Variants in FBLN5 observed in about 807,000 individuals in gnomAD.
FBLN5 encodes fibulin 5.
FBLN5 carries 24 observed loss-of-function variants against 61.6 expected under a neutral mutation model. The observed-to-expected ratio is 0.39, with a 90% CI of 0.28 to 0.55. The LOEUF (loss-of-function observed/expected upper bound fraction) is 0.55, where lower values mean the gene tolerates loss of function less well. Among genes scored for constraint, FBLN5 ranks in the 20% least tolerant of loss-of-function variants. The pLI, the probability that FBLN5 is intolerant of heterozygous loss-of-function variation, is 0.65. For missense variants in FBLN5, 470 were observed against 594.1 expected (o/e 0.79, Z 2.17); for synonymous variants, 213 against 219.8 (o/e 0.97, Z 0.27).
At chr14:91,927,899 A>G (rs923001262) in intron 4 of FBLN5, among the ~76,000 whole-genome samples, 2 of 152,268 alleles carry the variant, frequency 1.3e-5, no homozygotes, top group Non-Finnish European at 2.9e-5. Context: ...ACCAAGGAAC[A>G]TAAGATGAGA....
At position 91,925,127 on chromosome 14, in the gene FBLN5, T is replaced by G. The variant is rs1049420974; in HGVS notation, c.379+11820A>C. Reference sequence around the variant, plus strand: ...AGACCTGTGAAATATGTAGAGCTCATAAATCAACTCTGGCTAGATTTCCAC... The same window carrying G: ...AGACCTGTGAAATATGTAGAGCTCAGAAATCAACTCTGGCTAGATTTCCAC... On this transcript the variant is annotated intron_variant, in intron 4 of 10. Coordinates refer to ENST00000342058, the MANE Select transcript of FBLN5 (RefSeq NM_006329.4). 2.0e-5 allele frequency among the ~76,000 whole-genome samples: 3 copies of G among 151,828 alleles called. No individual in the cohort carries two copies. In the South Asian group the frequency reaches 6.2e-4, roughly 31 times the overall value.
chr14:91,883,084 G>T lies in FBLN5; in HGVS notation c.740-8C>A. The T allele has an allele frequency of 6.2e-7, 1 of 1,613,600 alleles. No individual in the cohort carries two copies. The highest frequency in any genetic ancestry group is 1.1e-5 in the South Asian group (1 of 91,016). On this transcript the variant is annotated splice_polypyrimidine_tract_variant and splice_region_variant and intron_variant, in intron 7 of 10. Coordinates refer to ENST00000342058, the MANE Select transcript of FBLN5 (RefSeq NM_006329.4). ...AGCTGCACTCGTCCATATCTGGGGT[G>T]ACAAGTCACACCTGCTGTTTGTAAT...
chr14:91,929,595 C>G (rs1411021443), intron 4 of FBLN5, among the ~76,000 whole-genome samples: 1 of 152,246 alleles, frequency 6.6e-6, no homozygotes, highest in Admixed American at 6.5e-5. Context: ...CTACACCATG[C>G]TACCTCAATC....
intron 4 of FBLN5, among the ~76,000 whole-genome samples, chr14:91,917,593 A>G (rs1035580244): frequency 6.6e-5 from 10 of 151,226 alleles, no homozygotes; most frequent in African/African-American, 2.4e-4. Context: ...AAAAAAAAAA[A>G]AAAAAAAGAA....
chr14:91,929,110 CACA>C (rs1566824870), intron 4 of FBLN5, among the ~76,000 whole-genome samples: 183 of 142,854 alleles, frequency 1.3e-3, no homozygotes, highest in Middle Eastern at 3.8e-3. Flanking sequence ...CACACACACA[CACA>C]CCCCACACAC....
intron 8 of FBLN5, among the ~76,000 whole-genome samples, chr14:91,881,675 C>T (rs1889479421): frequency 6.6e-6 from 1 of 152,106 alleles, no homozygotes; most frequent in South Asian, 2.1e-4. Context: ...CGTCTGTAAT[C>T]CCGGTACATT....
chr14:91,943,069 G>T lies in FBLN5; in HGVS notation c.18-108C>A, dbSNP rs989304421. On this transcript the variant is annotated intron_variant, in intron 1 of 10. Coordinates refer to ENST00000342058, the MANE Select transcript of FBLN5 (RefSeq NM_006329.4). This position sits in a 1 kb window ranked among gnomAD's most constrained non-coding sequence, Gnocchi z 4.0. ...GTAACGGTGATATCACCTTGGGCTT[G>T]TATGGGGTGGGGTGTGCTCCAGGGA... 1 of 775,138 alleles carries T rather than the reference G, an allele frequency of 1.3e-6. No homozygotes were observed. The highest frequency in any genetic ancestry group is 2.3e-6 in the Non-Finnish European group (1 of 440,452). The allele number at this position is 775,138 out of a possible 1,614,324, so 48.0% of individuals were successfully genotyped here.
chr14:91,891,051 A>G (rs148982681), intron 6 of FBLN5, among the ~76,000 whole-genome samples, 170 bp downstream of exon 6: 38 of 152,374 alleles, frequency 2.5e-4, no homozygotes, highest in South Asian at 6.2e-4. Context: ...TGCTTCGCAT[A>G]GCAAGGTTCA....
intron 8 of FBLN5, 55 bp from the exon 9 acceptor site, chr14:91,881,473 C>T (rs946347197): frequency 1.3e-5 from 21 of 1,607,182 alleles, no homozygotes; most frequent in South Asian, 2.2e-5. Context: ...CCAGGCCAGA[C>T]GCGTGGGGGT....
At position 91,880,660 on chromosome 14, in the gene FBLN5, G is replaced by A. The variant is rs139113168; in HGVS notation, c.989+632C>T. On this transcript the variant is annotated intron_variant, in intron 9 of 10. Coordinates refer to ENST00000342058, the MANE Select transcript of FBLN5 (RefSeq NM_006329.4). ...CCTCCCAGGTTCAAGCGATTCTCATGCCTCAGCCTCCTGAGTAGCTGGGAC... is the reference window on the plus strand; with the variant it reads ...CCTCCCAGGTTCAAGCGATTCTCATACCTCAGCCTCCTGAGTAGCTGGGAC... 4.5e-3 allele frequency among the ~76,000 whole-genome samples: 680 copies of A among 152,118 alleles called. 2 individuals are homozygous for A. Among genetic ancestry groups the A allele is most frequent in the Non-Finnish European group, 7.4e-3 (500 of 67,982 alleles).
Position 91,881,328 on chromosome 14 carries a change from A to G in FBLN5, c.953T>C (p.Ile318Thr). Residue 318 changes from isoleucine (I) to threonine (T), a missense_variant, in exon 9 of 11, where the codon ATC (isoleucine) becomes ACC (threonine). Coordinates refer to ENST00000342058, the MANE Select transcript of FBLN5 (RefSeq NM_006329.4). ...CCTCAGATAAGGCTCCTCACAGCGG[A>G]TGGGGTCAATGCATTTGAAGCCCCC... ...LQGGFKCIDP[I>T]RCEEPYLRIS... The G allele has an allele frequency of 6.2e-7, 1 of 1,614,156 alleles. No homozygotes were observed. Among genetic ancestry groups the G allele is most frequent in the South Asian group, 1.1e-5 (1 of 91,086 alleles).
chr14:91,895,042 T>G lies in FBLN5; in HGVS notation c.410A>C (p.Gln137Pro). Reference protein sequence around the residue: ...DVDECATDSHQCNPTQICINT... With the variant: ...DVDECATDSHPCNPTQICINT... Reference sequence around the variant, plus strand: ...GATGCAGATCTGGGTGGGGTTGCACTGGTGGGAATCTGTTGCACACTCGTC... The same window carrying G: ...GATGCAGATCTGGGTGGGGTTGCACGGGTGGGAATCTGTTGCACACTCGTC... The change falls in exon 5 of 11, where the codon CAG becomes CCG. Residue 137 changes from glutamine (Q) to proline (P), a missense_variant. Transcript: ENST00000342058. 1 of 1,614,190 alleles carries G rather than the reference T, an allele frequency of 6.2e-7. No individual in the cohort carries two copies. Among genetic ancestry groups the G allele is most frequent in the African/African-American group, 1.3e-5 (1 of 75,050 alleles).
At position 91,931,258 on chromosome 14, in the gene FBLN5, G is replaced by A. The variant is rs17127751; in HGVS notation, c.379+5689C>T. Among the ~76,000 whole-genome samples the A allele has an allele frequency of 5.2e-3, 797 of 152,272 alleles. 4 individuals are homozygous for A. Among genetic ancestry groups the A allele is most frequent in the African/African-American group, 0.017 (720 of 41,564 alleles). On this transcript the variant is annotated intron_variant, in intron 4 of 10. Transcript: ENST00000342058. ...CCATCTCAGGAACTCATCAGAGGCCGTCTTGAATTTCAGCTGCTTGTGCTT... is the reference window on the plus strand; with the variant it reads ...CCATCTCAGGAACTCATCAGAGGCCATCTTGAATTTCAGCTGCTTGTGCTT...
chr14:91,885,939 G>T (rs1889707376), intron 7 of FBLN5, among the ~76,000 whole-genome samples: 1 of 152,184 alleles, frequency 6.6e-6, no homozygotes, highest in Non-Finnish European at 1.5e-5. Flanking sequence ...CTGTTTCTGG[G>T]CCTTGTATTT....
rs1015356231 is a variant in FBLN5, at chr14:91,942,814, C to A, written c.72+93G>T. 3.3e-5 allele frequency: 26 copies of A among 795,388 alleles called. No individual in the cohort carries two copies. In the African/African-American group the frequency reaches 4.4e-4, roughly 14 times the overall value. The allele number at this position is 795,388 out of a possible 1,614,324, so 49.3% of individuals were successfully genotyped here. On this transcript the variant is annotated intron_variant, in intron 2 of 10. Coordinates refer to ENST00000342058, the MANE Select transcript of FBLN5 (RefSeq NM_006329.4). ...GGTCAACTGTAAAGCCACTCCCACCCCCACAAACCTAGGGTTCCGTAGCGC... is the reference window on the plus strand; with the variant it reads ...GGTCAACTGTAAAGCCACTCCCACCACCACAAACCTAGGGTTCCGTAGCGC...
At chr14:91,938,795 C>G (rs2056061608) in intron 3 of FBLN5, among the ~76,000 whole-genome samples, 1 of 152,178 alleles carries the variant, frequency 6.6e-6, no homozygotes, top group African/African-American at 2.4e-5. Flanking sequence ...CAACTCACCC[C>G]CAGCATCTCA....
chr14:91,891,153 G>A (rs1889976927), intron 6 of FBLN5, 68 bp downstream of exon 6: 1 of 882,490 alleles, frequency 1.1e-6, no homozygotes, highest in Admixed American at 1.7e-5. Context: ...AACATAAGCT[G>A]CCAGGTGCTG....
At chr14:91,884,124 A>G (rs1458284573) in intron 7 of FBLN5, among the ~76,000 whole-genome samples, 1 of 152,184 alleles carries the variant, frequency 6.6e-6, no homozygotes, top group East Asian at 1.9e-4. Context: ...TCAACGCAAA[A>G]GAAGCTGCCT....
chr14:91,914,312 C>T (rs1891087050), intron 4 of FBLN5, among the ~76,000 whole-genome samples: 1 of 151,706 alleles, frequency 6.6e-6, no homozygotes, highest in Admixed American at 6.6e-5. Flanking sequence ...CCTGTCTCTA[C>T]AAAAATACAA....
Sources: gnomAD v4.1 joint callset for allele counts (sites outside exome capture counted in the v4.1 genomes callset) on GRCh38, gnomAD v4.1.1 for gene constraint, Gnocchi (gnomAD v3.1) non-coding constraint, MANE v1.5 for transcripts, NCBI Gene and HGNC (gene_info 2026-07-23, HGNC 2026-07-21) for gene names.